The following STK39 variants were observed in gnomAD, a reference collection of about 807,000 sequenced individuals.
STK39 encodes the protein STE20/SPS1-related proline-alanine-rich protein kinase.
In STK39, 20 loss-of-function variants were observed where a neutral mutation model predicts 77.8. That is an observed-to-expected ratio of 0.26 (90% CI 0.18 to 0.37). The LOEUF is 0.37. Ranked by LOEUF, STK39 falls within the 10% of genes least tolerant of loss-of-function variation. STK39 has a pLI of 1.00. For synonymous variants in STK39, 246 were observed against 234.1 expected, an observed-to-expected ratio of 1.05 and a Z score of -0.47; for missense variants, 479 against 656.5, an observed-to-expected ratio of 0.73 and a Z score of 2.95.
chr2:168,180,163 A>G (rs751984714), intron 2 of STK39, among the ~76,000 whole-genome samples: 5 of 152,184 alleles, frequency 3.3e-5, no homozygotes, highest in Admixed American at 6.5e-5. Flanking sequence ...CCTGGCCAAC[A>G]TGGCGAAACT....
intron 14 of STK39, among the ~76,000 whole-genome samples, chr2:168,056,561 G>C (rs550091416): frequency 1.3e-5 from 2 of 152,246 alleles, no homozygotes; most frequent in South Asian, 2.1e-4. Context: ...ACCCAGATAG[G>C]CTCGGGGATA....
chr2:168,164,753 C>A (rs949256878), intron 3 of STK39, among the ~76,000 whole-genome samples: 4 of 152,142 alleles, frequency 2.6e-5, no homozygotes, highest in East Asian at 1.9e-4. Context: ...CTAACACTTA[C>A]AATAAACAAA....
intron 17 of STK39, among the ~76,000 whole-genome samples, chr2:167,956,682 ACACACACACACACACTCTCT>A (rs1200815748): frequency 4.7e-5 from 2 of 42,854 alleles, no homozygotes; most frequent in African/African-American, 2.5e-4. Context: ...ACACACACAC[ACACACACACACACACTCTCT>A]CTCTCTCTCT....
chr2:167,994,290 A>G (rs1000890790), intron 16 of STK39, among the ~76,000 whole-genome samples: 2 of 152,244 alleles, frequency 1.3e-5, no homozygotes, highest in African/African-American at 4.8e-5. Context: ...TAGTACTTCA[A>G]ACTGAGTATA....
intron 16 of STK39, 87 bp from the exon 17 acceptor site, chr2:167,964,813 A>G: frequency 8.6e-7 from 1 of 1,167,520 alleles, no homozygotes; most frequent in South Asian, 1.3e-5. Context: ...AAATTTGACT[A>G]ATGATGCAAT....
chr2:168,110,679 GTTCT>G lies in STK39; in HGVS notation c.1089+18858_1089+18861del, dbSNP rs532513764. On this transcript the variant is annotated intron_variant, in intron 10 of 17. Coordinates refer to ENST00000355999, the MANE Select transcript of STK39 (RefSeq NM_013233.3). ...CTTATACCTGAGGGTCTACTTCTGG[GTTCT>G]TTATTTGATTCCCTTTATCATTTGT... 1.2e-3 allele frequency among the ~76,000 whole-genome samples: 183 copies of G among 152,158 alleles called. 1 individual carries two copies. The highest frequency in any genetic ancestry group is 4.0e-3 in the African/African-American group (167 of 41,514).
At chr2:168,210,026 AAAGAAAGGAAGG>A (rs796883268) in intron 1 of STK39, among the ~76,000 whole-genome samples, 1,149 of 64,700 alleles carry the variant, frequency 0.018, 15 homozygotes, top group South Asian at 0.047. Context: ...GAAAGAAAGG[AAAGAAAGGAAGG>A]AAGGAAGGAA....
intron 14 of STK39, among the ~76,000 whole-genome samples, chr2:168,062,996 T>C (rs2105383910): frequency 6.6e-6 from 1 of 152,306 alleles, no homozygotes; most frequent in East Asian, 1.9e-4. Flanking sequence ...TCAGGCACCA[T>C]ATTTGTATCC....
At position 168,247,503 on chromosome 2, in the gene STK39, C is replaced by T. The variant is rs1054819245; in HGVS notation, c.-68G>A. The T allele has an allele frequency of 1.1e-4, 128 of 1,189,920 alleles. No homozygotes were observed. Among genetic ancestry groups the T allele is most frequent in the Non-Finnish European group, 1.3e-4 (120 of 947,898 alleles). 73.7% of individuals were successfully genotyped at this position (1,189,920 alleles called of 1,614,324 possible). A position where few individuals can be genotyped will look rare whatever the true frequency, so the allele number is the denominator to read the frequency against. On this transcript the variant is annotated 5_prime_UTR_variant, in exon 1 of 18. Coordinates refer to ENST00000355999, the MANE Select transcript of STK39 (RefSeq NM_013233.3). ...GACCTTCCACTTGAAACTTCCTTTG[C>T]CTCGCCGCCGACACCTCTCGGCCGG...
intron 10 of STK39, among the ~76,000 whole-genome samples, chr2:168,095,679 T>C (rs1237320080): frequency 1.4e-5 from 2 of 139,876 alleles, no homozygotes; most frequent in Non-Finnish European, 3.0e-5. Flanking sequence ...CAGGCTGGAG[T>C]GCAGTGGCGC....
chr2:168,030,487 AT>A (rs1208566776), intron 14 of STK39, among the ~76,000 whole-genome samples: 1 of 152,190 alleles, frequency 6.6e-6, no homozygotes, highest in African/African-American at 2.4e-5. Flanking sequence ...TATATGTGTA[AT>A]CGAATCCAGG....
At chr2:167,995,966 C>T (rs13424903) in intron 16 of STK39, among the ~76,000 whole-genome samples, 83,900 of 152,000 alleles carry the variant, frequency 0.55, 24,438 homozygotes, top group African/African-American at 0.67. Flanking sequence ...TAATGCTCTG[C>T]TGTCACCGTA....
At chr2:168,039,763 T>C (rs1685056939) in intron 14 of STK39, among the ~76,000 whole-genome samples, 1 of 152,170 alleles carries the variant, frequency 6.6e-6, no homozygotes, top group Non-Finnish European at 1.5e-5. Context: ...CTGTCAAAAT[T>C]CATCAAACAT....
chr2:168,102,503 G>C (rs1019862779), intron 10 of STK39, among the ~76,000 whole-genome samples: 2 of 152,204 alleles, frequency 1.3e-5, no homozygotes, highest in African/African-American at 2.4e-5. Context: ...GTCATATGCA[G>C]ATTCTGCACT....
intron 1 of STK39, among the ~76,000 whole-genome samples, chr2:168,246,934 C>T (rs1690926813): frequency 6.6e-6 from 1 of 151,982 alleles, no homozygotes; most frequent in Non-Finnish European, 1.5e-5. Flanking sequence ...TGGTCCTCCG[C>T]TCCACCGCCC....
chr2:168,005,325 C>A (rs1305127167), intron 16 of STK39, among the ~76,000 whole-genome samples: 3 of 151,790 alleles, frequency 2.0e-5, no homozygotes, highest in Admixed American at 6.6e-5. Flanking sequence ...TTGAGACAAA[C>A]CATATTCCTT....
chr2:168,237,865 A>C (rs1404505255), intron 1 of STK39, among the ~76,000 whole-genome samples: 1 of 152,128 alleles, frequency 6.6e-6, no homozygotes, highest in Non-Finnish European at 1.5e-5. Context: ...ATGACCTGCC[A>C]TTCCTTCCCC....
intron 14 of STK39, among the ~76,000 whole-genome samples, chr2:168,046,383 A>T (rs540072007): frequency 7.4e-4 from 109 of 148,236 alleles, no homozygotes; most frequent in African/African-American, 2.7e-3. Flanking sequence ...CAAAACAAAC[A>T]AACAAACAAA....
At position 168,129,597 on chromosome 2, in the gene STK39, A is replaced by T. The variant is rs1370925630; in HGVS notation, c.1033T>A (p.Tyr345Asn). Reference sequence around the variant, plus strand: ...CTTGTAAGCAGCTTCTCAATCAGGTACTCTCTGTTCTGCAAAACAAATATT... The same window carrying T: ...CTTGTAAGCAGCTTCTCAATCAGGTTCTCTCTGTTCTGCAAAACAAATATT... ...KFFQKAKNRE[Y>N]LIEKLLTRTP... Residue 345 changes from tyrosine (Y) to asparagine (N), a missense_variant, in exon 10 of 18, where the codon TAC becomes AAC. Around this residue, in one of 3 missense-constraint regions of STK39, gnomAD observed 244 missense variants for 296.8 expected, o/e 0.82. Coordinates refer to ENST00000355999, the MANE Select transcript of STK39 (RefSeq NM_013233.3). The T allele has an allele frequency of 2.5e-6, 4 of 1,613,928 alleles. No individual in the cohort carries two copies. The highest frequency in any genetic ancestry group is 3.4e-6 in the Non-Finnish European group (4 of 1,179,930).
Sources: allele counts gnomAD v4.1 joint callset (sites outside exome capture counted in the v4.1 genomes callset), GRCh38; gene constraint gnomAD v4.1.1; regional missense constraint gnomAD v4.1.1; transcripts MANE v1.5; gene names NCBI Gene and HGNC (gene_info 2026-07-23, HGNC 2026-07-21).